The following RAB11FIP4 variants were observed in gnomAD, a reference collection of about 807,000 sequenced individuals.
The protein encoded by RAB11FIP4 is RAB11 family interacting protein 4.
A neutral mutation model predicts 74.3 loss-of-function variants in RAB11FIP4; 23 were observed. The ratio of observed to expected loss-of-function variants is 0.31; its 90% CI spans 0.22 to 0.44. The LOEUF (loss-of-function observed/expected upper bound fraction) is 0.44, where lower values mean the gene tolerates loss of function less well. RAB11FIP4 is among the 20% of genes least tolerant of loss of function. RAB11FIP4 has a pLI of 1.00. For missense variants in RAB11FIP4, 630 were observed against 863.9 expected (o/e 0.73, Z 3.39); for synonymous variants, 360 against 359.9 (o/e 1.00, Z 0.00).
chr17:31,495,160 C>T (rs2072090221), intron 3 of RAB11FIP4, among the ~76,000 whole-genome samples: 1 of 152,182 alleles, frequency 6.6e-6, no homozygotes, highest in African/African-American at 2.4e-5. Flanking sequence ...TCTGGCTGGC[C>T]ACAAGCCCCA....
At chr17:31,425,518 G>T (rs1374494563) in intron 1 of RAB11FIP4, among the ~76,000 whole-genome samples, 2 of 152,184 alleles carry the variant, frequency 1.3e-5, no homozygotes, top group Non-Finnish European at 2.9e-5. Flanking sequence ...GACAGCAACG[G>T]CAACGAAGCT....
chr17:31,393,192 C>G (rs1227491427), intron 1 of RAB11FIP4, among the ~76,000 whole-genome samples: 1 of 152,234 alleles, frequency 6.6e-6, no homozygotes, highest in Non-Finnish European at 1.5e-5. Context: ...CAGGTACCCA[C>G]CACAGGAAAG....
chr17:31,494,934 C>T (rs2072085310), intron 3 of RAB11FIP4, among the ~76,000 whole-genome samples: 1 of 152,234 alleles, frequency 6.6e-6, no homozygotes, highest in Non-Finnish European at 1.5e-5. Flanking sequence ...GGAGACTGTA[C>T]CTAGCCTGTC....
rs1458889807 is a variant in RAB11FIP4 at position 31,434,135 on chromosome 17, G to A, written c.336+13G>A. Reference sequence around the variant, plus strand: ...CTGCGTGGAGCAGGTAAGGCTTGGGGGGCCTCAAGGACCTCCATGGCTCTG... The same window carrying A: ...CTGCGTGGAGCAGGTAAGGCTTGGGAGGCCTCAAGGACCTCCATGGCTCTG... On this transcript the variant is annotated intron_variant, in intron 3 of 14. Coordinates refer to ENST00000621161, the MANE Select transcript of RAB11FIP4 (RefSeq NM_032932.6). 3.8e-6 allele frequency: 6 copies of A among 1,563,868 alleles called. No individual in the cohort carries two copies. The highest frequency in any genetic ancestry group is 5.2e-6 in the Non-Finnish European group (6 of 1,160,420).
chr17:31,521,516 C>T (rs11653842), intron 5 of RAB11FIP4, among the ~76,000 whole-genome samples, 156 bp downstream of exon 5: 5,410 of 152,072 alleles, frequency 0.036, 142 homozygotes, highest in Non-Finnish European at 0.052. Context: ...TTGCTACCTT[C>T]GCACCCTGAT....
intron 1 of RAB11FIP4, among the ~76,000 whole-genome samples, chr17:31,417,733 T>C (rs992681757): frequency 2.2e-4 from 33 of 152,242 alleles, no homozygotes; most frequent in African/African-American, 7.5e-4. Flanking sequence ...CTAAAGAGTG[T>C]GCTTGAATTC....
chr17:31,502,138 C>A (rs990724900), intron 3 of RAB11FIP4, among the ~76,000 whole-genome samples: 1 of 144,110 alleles, frequency 6.9e-6, no homozygotes, highest in Non-Finnish European at 1.5e-5. Context: ...GCAGGAGAAT[C>A]ACTTGAACCC....
At chr17:31,519,560 C>T (rs987755336) in intron 4 of RAB11FIP4, among the ~76,000 whole-genome samples, 1 of 152,038 alleles carries the variant, frequency 6.6e-6, no homozygotes, top group Admixed American at 6.6e-5. Flanking sequence ...CTGAGGAAGC[C>T]GAGGGGGTTG....
intron 7 of RAB11FIP4, 133 bp downstream of exon 7, chr17:31,522,528 C>T (rs771296330): frequency 9.6e-6 from 8 of 831,382 alleles, no homozygotes; most frequent in African/African-American, 1.7e-5. Flanking sequence ...ACGAGGCCAT[C>T]CCAGGGCAGT....
intron 9 of RAB11FIP4, 52 bp downstream of exon 9, chr17:31,524,048 G>A: frequency 2.2e-6 from 3 of 1,369,440 alleles, no homozygotes; most frequent in Non-Finnish European, 3.1e-6. Context: ...GGGAACAAAG[G>A]GGGGTCCATC....
At chr17:31,511,974 C>T (rs8066125) in intron 3 of RAB11FIP4, among the ~76,000 whole-genome samples, 23,598 of 152,038 alleles carry the variant, frequency 0.16, 1,906 homozygotes, top group East Asian at 0.31. Flanking sequence ...AGTGGGACAG[C>T]GAGGTAGGGG....
rs1326483092 is a variant in RAB11FIP4 at position 31,503,648 on chromosome 17, C to T, written c.337-14003C>T. ...TGACTGTGAATGGTCTTTTAGAGGC[C>T]GGATCATTCTTATGACCTCAGCCAT... On this transcript the variant is annotated intron_variant, in intron 3 of 14. Coordinates refer to ENST00000621161, the MANE Select transcript of RAB11FIP4 (RefSeq NM_032932.6). 2.7e-5 allele frequency among the ~76,000 whole-genome samples: 4 copies of T among 149,664 alleles called. 1 individual carries two copies. The highest frequency in any genetic ancestry group is 1.0e-4 in the African/African-American group (4 of 38,998).
At chr17:31,425,267 G>C (rs778610530) in intron 1 of RAB11FIP4, among the ~76,000 whole-genome samples, 1 of 152,232 alleles carries the variant, frequency 6.6e-6, no homozygotes, top group Non-Finnish European at 1.5e-5. Context: ...ACAAAGGAAG[G>C]CTCGCTAAGC....
In RAB11FIP4 at chr17:31,431,915, G is replaced by A; in HGVS notation, c.247+15G>A. On this transcript the variant is annotated intron_variant, in intron 2 of 14. Coordinates refer to ENST00000621161, the MANE Select transcript of RAB11FIP4 (RefSeq NM_032932.6). ...CGCCATGAAAGGTGAGGTCTTCCCG[G>A]GAGGCTTTCCCAGGCGCTCTCCGGT... 1 of 1,599,934 alleles carries A rather than the reference G, an allele frequency of 6.3e-7. No homozygotes were observed. Among genetic ancestry groups the A allele is most frequent in the Non-Finnish European group, 8.6e-7 (1 of 1,168,690 alleles).
chr17:31,398,461 TGGG>T (rs922571215), intron 1 of RAB11FIP4, among the ~76,000 whole-genome samples: 29 of 149,926 alleles, frequency 1.9e-4, no homozygotes, highest in Admixed American at 1.7e-3. Context: ...GACCGTGCCA[TGGG>T]GGGTGGGGGG....
At chr17:31,440,098 C>G (rs959893864) in intron 3 of RAB11FIP4, among the ~76,000 whole-genome samples, 1 of 152,070 alleles carries the variant, frequency 6.6e-6, no homozygotes, top group Admixed American at 6.6e-5. Context: ...CCTTCTGTAC[C>G]TCCAGGCTAT....
Position 31,522,056 on chromosome 17 carries a change from C to T in RAB11FIP4, c.893+7C>T, listed in dbSNP as rs2072677035. On this transcript the variant is annotated splice_region_variant and intron_variant, in intron 6 of 14. Transcript: ENST00000621161. ...AAAACCTGAAGGCCAACAGGTGAGG[C>T]CCAGGCCCAGCTGGGGGGTGAGAGG... is the stretch of plus-strand genomic sequence containing the variant. 3 of 1,613,950 alleles carry T rather than the reference C, an allele frequency of 1.9e-6. No homozygotes were observed. Among genetic ancestry groups the T allele is most frequent in the Middle Eastern group, 1.7e-4 (1 of 6,060 alleles).
intron 10 of RAB11FIP4, chr17:31,527,195 G>C (rs1480949799): frequency 1.3e-5 from 2 of 152,298 alleles, no homozygotes; most frequent in Non-Finnish European, 2.9e-5. Context: ...GAAGCCACAA[G>C]AAGACTGTTT....
chr17:31,420,628 A>C (rs551882513), intron 1 of RAB11FIP4, among the ~76,000 whole-genome samples: 3 of 151,658 alleles, frequency 2.0e-5, no homozygotes, highest in Non-Finnish European at 2.9e-5. Flanking sequence ...CAAAAAAAAA[A>C]CCAGATTTGG....
Sources: gnomAD v4.1 joint callset for allele counts (sites outside exome capture counted in the v4.1 genomes callset) on GRCh38, gnomAD v4.1.1 for gene constraint, MANE v1.5 for transcripts, NCBI Gene and HGNC (gene_info 2026-07-23, HGNC 2026-07-21) for gene names.